The following NELL1 variants were observed in gnomAD, a reference collection of about 807,000 sequenced individuals.
The protein encoded by NELL1 is protein kinase C-binding protein NELL1.
A neutral mutation model predicts 107.4 loss-of-function variants in NELL1; 76 were observed. The ratio of observed to expected loss-of-function variants is 0.71; its 90% CI spans 0.59 to 0.86. NELL1 has a LOEUF of 0.86. Among genes scored for constraint, NELL1 ranks in the 40% least tolerant of loss-of-function variants. NELL1 has a pLI of 0.00. For missense variants in NELL1, 1,024 were observed against 1,005.5 expected (o/e 1.02, Z -0.25); for synonymous variants, 353 against 341.2 (o/e 1.03, Z -0.38).
chr11:21,512,868 C>G (rs1244675955), intron 15 of NELL1, among the ~76,000 whole-genome samples: 1 of 151,972 alleles, frequency 6.6e-6, no homozygotes. Context: ...GACATTCCAC[C>G]TAACCGAACC....
At chr11:20,690,326 C>G (rs1400443794) in intron 2 of NELL1, among the ~76,000 whole-genome samples, 1 of 152,188 alleles carries the variant, frequency 6.6e-6, no homozygotes. Flanking sequence ...GTTGCCATTG[C>G]TTTTGGTGTT....
intron 14 of NELL1, among the ~76,000 whole-genome samples, chr11:21,297,504 G>C (rs564703620): frequency 5.3e-4 from 80 of 152,196 alleles, no homozygotes; most frequent in Non-Finnish European, 9.3e-4. Flanking sequence ...CCAGTGTGCA[G>C]GTTGTGATAG....
intron 15 of NELL1, among the ~76,000 whole-genome samples, chr11:21,398,460 G>C (rs1480215950): frequency 6.6e-6 from 1 of 151,742 alleles, no homozygotes. Context: ...GGAGCCATGG[G>C]AGTAGACACT....
chr11:21,331,703 T>C (rs1008606865), intron 14 of NELL1, among the ~76,000 whole-genome samples: 1 of 152,032 alleles, frequency 6.6e-6, no homozygotes, highest in Non-Finnish European at 1.5e-5. Flanking sequence ...TTTGCAGAAG[T>C]TTTTTGAGGC....
intron 15 of NELL1, among the ~76,000 whole-genome samples, chr11:21,526,322 C>A (rs910443861): frequency 6.6e-6 from 1 of 152,220 alleles, no homozygotes; most frequent in African/African-American, 2.4e-5. Context: ...GACAACTCCG[C>A]CACTGTGGCT....
chr11:21,176,892 T>C (rs191084191), intron 13 of NELL1, among the ~76,000 whole-genome samples: 2 of 151,948 alleles, frequency 1.3e-5, no homozygotes, highest in East Asian at 3.9e-4. Flanking sequence ...TTAAGGGATG[T>C]TAATGCACTC....
chr11:20,814,370 G>C (rs1040096242), intron 3 of NELL1, among the ~76,000 whole-genome samples: 4 of 152,186 alleles, frequency 2.6e-5, no homozygotes, highest in Non-Finnish European at 4.4e-5. Context: ...GTGATGCTGA[G>C]GTTTGGAGTA....
intron 15 of NELL1, among the ~76,000 whole-genome samples, chr11:21,418,415 C>G (rs978484773): frequency 1.3e-5 from 2 of 152,020 alleles, no homozygotes; most frequent in African/African-American, 4.8e-5. Flanking sequence ...GTATCTACTA[C>G]TTTGCCTATG....
intron 15 of NELL1, among the ~76,000 whole-genome samples, chr11:21,529,027 G>T (rs982709113): frequency 1.3e-5 from 2 of 152,010 alleles, no homozygotes; most frequent in African/African-American, 4.8e-5. Context: ...ATTAGGAAAT[G>T]CTGGCTAGCA....
chr11:21,408,168 T>A (rs1852280762), intron 15 of NELL1, among the ~76,000 whole-genome samples: 2 of 152,054 alleles, frequency 1.3e-5, no homozygotes, highest in Admixed American at 1.3e-4. Context: ...TCACTTAACA[T>A]GAAGTCAAGG....
chr11:20,715,002 G>A (rs1033089055), intron 2 of NELL1, among the ~76,000 whole-genome samples: 1 of 152,048 alleles, frequency 6.6e-6, no homozygotes. Context: ...CCAGTACTTC[G>A]GGAGGCCAAG....
At chr11:21,435,202 G>T (rs568846834) in intron 15 of NELL1, among the ~76,000 whole-genome samples, 2 of 151,914 alleles carry the variant, frequency 1.3e-5, no homozygotes, top group East Asian at 3.9e-4. Flanking sequence ...TAGGACTTCT[G>T]GTCCTATCTT....
chr11:21,538,790 A>G (rs1404550028), intron 16 of NELL1, among the ~76,000 whole-genome samples: 1 of 152,186 alleles, frequency 6.6e-6, no homozygotes, highest in Non-Finnish European at 1.5e-5. Context: ...ATGTATAAGC[A>G]GCAGTACTTT....
intron 2 of NELL1, among the ~76,000 whole-genome samples, chr11:20,764,497 T>G (rs924147904): frequency 2.0e-5 from 3 of 152,110 alleles, no homozygotes; most frequent in African/African-American, 7.2e-5. Flanking sequence ...GGAGCCAGGA[T>G]AGTCACCAAG....
chr11:21,521,380 AT>A (rs1317167244), intron 15 of NELL1, among the ~76,000 whole-genome samples: 1 of 152,114 alleles, frequency 6.6e-6, no homozygotes, highest in African/African-American at 2.4e-5. Context: ...AAGCTTTTGA[AT>A]TTTGGGGGGA....
intron 3 of NELL1, among the ~76,000 whole-genome samples, chr11:20,810,941 C>A (rs1857489893): frequency 6.6e-6 from 1 of 151,816 alleles, no homozygotes; most frequent in African/African-American, 2.4e-5. Flanking sequence ...TATATTCTTT[C>A]ATTTTATAGG....
At chr11:21,466,520 C>T (rs1854035857) in intron 15 of NELL1, among the ~76,000 whole-genome samples, 1 of 152,106 alleles carries the variant, frequency 6.6e-6, no homozygotes, top group Non-Finnish European at 1.5e-5. Context: ...TTCCATTGTG[C>T]TCAGTGGAAA....
chr11:21,072,940 A>G (rs16907408), intron 12 of NELL1, among the ~76,000 whole-genome samples: 2,672 of 152,280 alleles, frequency 0.018, 67 homozygotes, highest in African/African-American at 0.059. Context: ...TCGAACACAC[A>G]ACACGCAGAA....
intron 12 of NELL1, among the ~76,000 whole-genome samples, chr11:21,017,174 C>T (rs558024109): frequency 1.3e-5 from 2 of 152,180 alleles, no homozygotes; most frequent in South Asian, 2.1e-4. Context: ...CGGGCACTGG[C>T]ACAAATGTTG....
Sources: allele counts gnomAD v4.1 joint callset (sites outside exome capture counted in the v4.1 genomes callset), GRCh38; gene constraint gnomAD v4.1.1; transcripts MANE v1.5; gene names NCBI Gene and HGNC (gene_info 2026-07-23, HGNC 2026-07-21).